CHD6: variants seen among roughly 807,000 people sequenced by gnomAD.
CHD6 encodes chromodomain helicase DNA binding protein 6.
Under a neutral mutation model 276.9 loss-of-function variants are expected in CHD6, and 50 were observed. The observed-to-expected ratio is 0.18, with a 90% CI of 0.14 to 0.23. The LOEUF (loss-of-function observed/expected upper bound fraction) is 0.23. Ranked by LOEUF, CHD6 falls within the 10% of genes least tolerant of loss-of-function variation. The pLI is 1.00. For synonymous variants in CHD6, 1,173 were observed against 1,229.3 expected, an observed-to-expected ratio of 0.95 and a Z score of 0.96; for missense variants, 2,564 against 3,365.8, an observed-to-expected ratio of 0.76 and a Z score of 5.89.
chr20:41,586,453 G>A (rs994962768), intron 1 of CHD6, among the ~76,000 whole-genome samples: 2 of 152,192 alleles, frequency 1.3e-5, no homozygotes, highest in African/African-American at 4.8e-5. Context: ...GTTCTCTTCC[G>A]TGACCCATGG....
intron 5 of CHD6, among the ~76,000 whole-genome samples, chr20:41,502,504 T>G (rs1291188642): frequency 1.3e-5 from 2 of 152,236 alleles, no homozygotes; most frequent in African/African-American, 4.8e-5. Flanking sequence ...TCTATTTGAC[T>G]ATCCTTATGG....
At chr20:41,467,308 A>G (rs2042942992) in intron 17 of CHD6, among the ~76,000 whole-genome samples, 1 of 152,146 alleles carries the variant, frequency 6.6e-6, no homozygotes, top group African/African-American at 2.4e-5. Flanking sequence ...AACATGAGAT[A>G]GAGAAAGAAA....
At chr20:41,524,394 A>G (rs944655406) in intron 3 of CHD6, among the ~76,000 whole-genome samples, 2 of 152,236 alleles carry the variant, frequency 1.3e-5, no homozygotes, top group Non-Finnish European at 2.9e-5. Context: ...CCGTATCATC[A>G]ACACCTTCAA....
intron 16 of CHD6, among the ~76,000 whole-genome samples, chr20:41,477,875 C>T (rs867933053): frequency 6.6e-6 from 1 of 152,158 alleles, no homozygotes; most frequent in African/African-American, 2.4e-5. Context: ...TCTAGATCAC[C>T]TACCCCAGCC....
chr20:41,598,106 C>T (rs1289086742), intron 1 of CHD6, among the ~76,000 whole-genome samples: 3 of 152,272 alleles, frequency 2.0e-5, no homozygotes, highest in Admixed American at 6.5e-5. Context: ...GGAAGCCCCC[C>T]CACCAATTGC....
chr20:41,538,975 G>A (rs1242350284), intron 2 of CHD6, among the ~76,000 whole-genome samples: 2 of 152,122 alleles, frequency 1.3e-5, no homozygotes, highest in Admixed American at 1.3e-4. Flanking sequence ...CTACCTACGT[G>A]TCTTGCTCCA....
At chr20:41,428,137 G>A (rs2047423387) in intron 27 of CHD6, among the ~76,000 whole-genome samples, 1 of 152,184 alleles carries the variant, frequency 6.6e-6, no homozygotes, top group Non-Finnish European at 1.5e-5. Flanking sequence ...GGTACAGTTA[G>A]TAAACATGAA....
Position 41,473,218 on chromosome 20 carries a change from C to A in CHD6, c.2664+104G>T. 1 of 1,091,320 alleles carries A rather than the reference C, an allele frequency of 9.2e-7. No individual in the cohort carries two copies. The highest frequency in any genetic ancestry group is 2.5e-5 in the East Asian group (1 of 40,558). The allele number at this position is 1,091,320 out of a possible 1,614,324, so 67.6% of individuals were successfully genotyped here. A position where few individuals can be genotyped will look rare whatever the true frequency, so the allele number is the denominator to read the frequency against. ...CCTAAGCCTGTCATCCAGCTGACACCATAGCATAGAGCATCACGGATGCTC... is the reference window on the plus strand; with the variant it reads ...CCTAAGCCTGTCATCCAGCTGACACAATAGCATAGAGCATCACGGATGCTC... On this transcript the variant is annotated intron_variant, in intron 17 of 36. Transcript: ENST00000373233. The surrounding 1 kb of genome is among the most constrained non-coding windows in gnomAD (Gnocchi z 4.1).
intron 1 of CHD6, among the ~76,000 whole-genome samples, chr20:41,567,385 G>C (rs2045367249): frequency 6.6e-6 from 1 of 151,454 alleles, no homozygotes; most frequent in Admixed American, 6.6e-5. Flanking sequence ...GTGTACCCCA[G>C]GAACAGGCTC....
chr20:41,459,317 G>A (rs2048472538), intron 17 of CHD6: 2 of 152,624 alleles, frequency 1.3e-5, no homozygotes, highest in Admixed American at 1.3e-4. Context: ...GGGGGTACAG[G>A]AAATGGCCAT....
At chr20:41,448,245 G>A (rs1449532920) in intron 23 of CHD6, among the ~76,000 whole-genome samples, 1 of 152,164 alleles carries the variant, frequency 6.6e-6, no homozygotes, top group Non-Finnish European at 1.5e-5. Context: ...TCATCTTTAA[G>A]AGTACTCACC....
intron 1 of CHD6, among the ~76,000 whole-genome samples, chr20:41,554,183 C>G (rs1215993619): frequency 1.3e-5 from 2 of 151,994 alleles, no homozygotes; most frequent in African/African-American, 4.8e-5. Context: ...GAAAACTCTA[C>G]CAATGTTAAT....
intron 16 of CHD6, among the ~76,000 whole-genome samples, chr20:41,480,745 A>G (rs760461465): frequency 1.3e-5 from 2 of 152,216 alleles, no homozygotes; most frequent in Non-Finnish European, 2.9e-5. Context: ...TTGAAAGTAA[A>G]TGCTTCTGGG....
rs759159347 is a variant in CHD6 at position 41,489,783 on chromosome 20, C to T, written c.1675G>A (p.Ala559Thr). Residue 559 changes from alanine (A) to threonine (T), a missense_variant, in exon 12 of 37, where the codon GCC (alanine) becomes ACC (threonine). Physicochemically the swap from Ala to Thr is moderately conservative, Grantham distance 58. Transcript: ENST00000373233. The part of the protein sequence containing the change: ...IQQYEMVYRD[A>T]QGNPLSGVFK... ...TGATCTCACGTGAGGCTCACCTGGG[C>T]GTCTCTGTACACCATTTCATACTGC... is the stretch of plus-strand genomic sequence containing the variant. 9 of 1,613,794 alleles carry T rather than the reference C, an allele frequency of 5.6e-6. No individual in the cohort carries two copies. The highest frequency in any genetic ancestry group is 3.3e-5 in the South Asian group (3 of 91,056).
chr20:41,435,885 T>C (rs2047693174), intron 27 of CHD6, among the ~76,000 whole-genome samples: 1 of 152,088 alleles, frequency 6.6e-6, no homozygotes, highest in Admixed American at 6.6e-5. Context: ...CACTCAGGAT[T>C]ATGTGCTACT....
Position 41,451,270 on chromosome 20 carries a change from T to C in CHD6, c.3524-165A>G, listed in dbSNP as rs577587069. ...GTGGTGGTGGTAGGAAGGAAGGCCA[T>C]GCACTTGGTCTCCTCCTTAGTAAAC... On this transcript the variant is annotated intron_variant, in intron 22 of 36. Coordinates refer to ENST00000373233, the MANE Select transcript of CHD6 (RefSeq NM_032221.5). Among the ~76,000 whole-genome samples, 241 of 152,340 alleles carry C rather than the reference T, an allele frequency of 1.6e-3. 1 individual carries two copies. The highest frequency in any genetic ancestry group is 6.8e-3 in the Middle Eastern group (2 of 294).
At position 41,508,333 on chromosome 20, in the gene CHD6, A is replaced by AC. The variant is rs529719645; in HGVS notation, c.852+4512_852+4513insG. Among the ~76,000 whole-genome samples the AC allele has an allele frequency of 2.2e-4, 33 of 152,322 alleles. No homozygotes were observed. In the South Asian group the frequency reaches 6.2e-3, roughly 29 times the overall value. On this transcript the variant is annotated intron_variant, in intron 5 of 36. Transcript: ENST00000373233. ...GTGTGTAGCCACATCTTTAAAAAAA[A>AC]ACACACAAAACACAGGAGTTTTGAT...
intron 1 of CHD6, among the ~76,000 whole-genome samples, chr20:41,607,760 C>T (rs1401652041): frequency 8.1e-6 from 1 of 124,120 alleles, no homozygotes; most frequent in Non-Finnish European, 1.6e-5. Context: ...GTAGACCATT[C>T]CACAGGAAAA....
chr20:41,539,745 A>G (rs6072411), intron 2 of CHD6, among the ~76,000 whole-genome samples: 41,904 of 152,140 alleles, frequency 0.28, 6,859 homozygotes, highest in East Asian at 0.49. Flanking sequence ...AGGATTATAT[A>G]TAAGAATATC....
Sources: gnomAD v4.1 joint callset for allele counts (sites outside exome capture counted in the v4.1 genomes callset) on GRCh38, gnomAD v4.1.1 for gene constraint, Gnocchi (gnomAD v3.1) non-coding constraint, MANE v1.5 for transcripts, NCBI Gene and HGNC (gene_info 2026-07-23, HGNC 2026-07-21) for gene names.